Variants in ANKRD6 observed in about 807,000 individuals in gnomAD.
The protein encoded by ANKRD6 is ankyrin repeat domain-containing protein 6.
A neutral mutation model predicts 82.3 loss-of-function variants in ANKRD6; 56 were observed. That is an observed-to-expected ratio of 0.68 (90% confidence interval 0.55 to 0.85). ANKRD6 has a LOEUF of 0.85. ANKRD6 is among the 40% of genes least tolerant of loss of function. The pLI, the probability that ANKRD6 is intolerant of heterozygous loss-of-function variation, is 0.00. For missense variants in ANKRD6, 852 were observed against 907.6 expected, an observed-to-expected ratio of 0.94 and a Z score of 0.79; for synonymous variants, 347 against 352.1, an observed-to-expected ratio of 0.99 and a Z score of 0.16.
chr6:89,539,754 T>TA (rs1784249920), intron 1 of ANKRD6, among the ~76,000 whole-genome samples: 1 of 151,082 alleles, frequency 6.6e-6, no homozygotes, highest in East Asian at 1.9e-4. Flanking sequence ...TTTTTTTTTT[T>TA]ACACCCATTA....
rs1331690132 is a variant in ANKRD6 at position 89,535,626 on chromosome 6, TC to T, written c.-143-31207del. 5.9e-5 allele frequency among the ~76,000 whole-genome samples: 9 copies of T among 152,366 alleles called. No homozygotes were observed. The East Asian group carries it at 1.5e-3, about 26-fold the overall frequency. On this transcript the variant is annotated intron_variant, in intron 1 of 15. Coordinates refer to ENST00000339746, the MANE Select transcript of ANKRD6 (RefSeq NM_001242809.2). The stretch of plus-strand genomic sequence containing the variant: ...ACTCCTGGCAGTAGTGACCAGGACT[TC>T]AGGGCTTTGCTCCATTGACCTTATG...
intron 1 of ANKRD6, among the ~76,000 whole-genome samples, chr6:89,530,957 C>T (rs1783068710): frequency 6.6e-6 from 1 of 152,200 alleles, no homozygotes; most frequent in African/African-American, 2.4e-5. Flanking sequence ...TCAGGAGTTA[C>T]AAAGTCTGTT....
chr6:89,492,297 T>C (rs1294866200), intron 1 of ANKRD6, among the ~76,000 whole-genome samples: 2 of 152,214 alleles, frequency 1.3e-5, no homozygotes, highest in Non-Finnish European at 2.9e-5. Flanking sequence ...GGAAAGCATG[T>C]AGCTGACCTG....
At chr6:89,513,146 C>A (rs184304303) in intron 1 of ANKRD6, among the ~76,000 whole-genome samples, 160 of 152,310 alleles carry the variant, frequency 1.1e-3, no homozygotes, top group African/African-American at 3.8e-3. Flanking sequence ...AGGCTGGTCT[C>A]AAACTCCTCA....
At chr6:89,610,214 A>G (rs745869408) in intron 5 of ANKRD6, among the ~76,000 whole-genome samples, 10 of 152,194 alleles carry the variant, frequency 6.6e-5, no homozygotes, top group Non-Finnish European at 1.3e-4. Flanking sequence ...ACCATAAGAT[A>G]TAGAATGTTT....
At chr6:89,563,234 C>G (rs754102303) in intron 1 of ANKRD6, among the ~76,000 whole-genome samples, 7 of 152,138 alleles carry the variant, frequency 4.6e-5, no homozygotes, top group Non-Finnish European at 1.0e-4. Context: ...GTGTGACCCT[C>G]TGGTATTTGT....
chr6:89,630,867 T>C lies in ANKRD6; in HGVS notation c.2047T>C (p.Tyr683His), dbSNP rs1267681484. 6 of 1,613,726 alleles carry C rather than the reference T, an allele frequency of 3.7e-6. 1 individual carries two copies. In the South Asian group the frequency reaches 6.6e-5, roughly 18 times the overall value. Residue 683 changes from tyrosine to histidine, a missense_variant, in exon 16 of 16, where the codon TAT (tyrosine) becomes CAT (histidine). Transcript: ENST00000339746. ...EAVSTQMEKW[Y>H]ERKIEEARSQ... ...TGTTTCTACCCAGATGGAAAAGTGGTATGAAAGGAAGATTGAAGAAGCACG... is the reference window on the plus strand; with the variant it reads ...TGTTTCTACCCAGATGGAAAAGTGGCATGAAAGGAAGATTGAAGAAGCACG...
intron 2 of ANKRD6, among the ~76,000 whole-genome samples, chr6:89,588,378 G>A (rs1794204657): frequency 6.6e-6 from 1 of 152,070 alleles, no homozygotes; most frequent in African/African-American, 2.4e-5. Context: ...GATAATATAG[G>A]CAGACTGACT....
chr6:89,603,248 A>G (rs1583651664), intron 4 of ANKRD6, 121 bp downstream of exon 4: 9 of 736,910 alleles, frequency 1.2e-5, no homozygotes, highest in Non-Finnish European at 1.8e-5. Context: ...CTGTCTTACC[A>G]CTTATGATTT....
At chr6:89,586,085 A>G (rs143923310) in intron 2 of ANKRD6, among the ~76,000 whole-genome samples, 3 of 152,356 alleles carry the variant, frequency 2.0e-5, no homozygotes, top group Admixed American at 6.5e-5. Context: ...AGAAACACCA[A>G]TCTCAATTAT....
Position 89,620,975 on chromosome 6 carries a change from A to G in ANKRD6, c.793-947A>G, listed in dbSNP as rs188674570. ...TCCCAGTTACTCGGGAAGCTGAGGC[A>G]GGAGAATGGCGTGAACCCGGGAGGC... On this transcript the variant is annotated intron_variant, in intron 9 of 15. Coordinates refer to ENST00000339746, the MANE Select transcript of ANKRD6 (RefSeq NM_001242809.2). Among the ~76,000 whole-genome samples, 1,040 of 152,282 alleles carry G rather than the reference A, an allele frequency of 6.8e-3. 18 individuals are homozygous for G. The highest frequency in any genetic ancestry group is 0.024 in the African/African-American group (985 of 41,554).
intron 1 of ANKRD6, among the ~76,000 whole-genome samples, chr6:89,518,402 CAA>C (rs1217212093): frequency 1.8e-5 from 2 of 109,210 alleles, no homozygotes; most frequent in Admixed American, 9.9e-5. Context: ...GACTCCGTCT[CAA>C]AAAAAAAAAA....
At chr6:89,552,474 G>A (rs139088632) in intron 1 of ANKRD6, among the ~76,000 whole-genome samples, 135 of 152,318 alleles carry the variant, frequency 8.9e-4, no homozygotes, top group African/African-American at 3.1e-3. Context: ...GTCATGCTGC[G>A]TGCTGAGTAA....
chr6:89,489,996 T>C (rs1284041213), intron 1 of ANKRD6, among the ~76,000 whole-genome samples: 1 of 152,224 alleles, frequency 6.6e-6, no homozygotes, highest in Non-Finnish European at 1.5e-5. Context: ...GTGTTTTGTT[T>C]AACAAATTTA....
intron 1 of ANKRD6, among the ~76,000 whole-genome samples, chr6:89,482,738 C>T (rs1260639508): frequency 6.6e-6 from 1 of 152,188 alleles, no homozygotes; most frequent in Non-Finnish European, 1.5e-5. Flanking sequence ...TAAATCTACT[C>T]TTTGTATCCT....
chr6:89,511,434 G>A (rs1239941729), intron 1 of ANKRD6, among the ~76,000 whole-genome samples: 3 of 152,170 alleles, frequency 2.0e-5, no homozygotes, highest in Non-Finnish European at 4.4e-5. Context: ...TACTCATCTT[G>A]CATTATTTAA....
chr6:89,474,884 T>C (rs1775868178), intron 1 of ANKRD6, among the ~76,000 whole-genome samples: 1 of 152,218 alleles, frequency 6.6e-6, no homozygotes, highest in African/African-American at 2.4e-5. Context: ...TCTCATTTTC[T>C]AGTGTAGTAG....
At chr6:89,506,251 C>T (rs900890086) in intron 1 of ANKRD6, among the ~76,000 whole-genome samples, 6 of 151,934 alleles carry the variant, frequency 3.9e-5, no homozygotes, top group African/African-American at 7.3e-5. Flanking sequence ...TTAATTAACC[C>T]GATTGTGGTA....
intron 1 of ANKRD6, among the ~76,000 whole-genome samples, chr6:89,511,969 A>G (rs921514667): frequency 5.9e-5 from 9 of 152,068 alleles, no homozygotes; most frequent in African/African-American, 2.2e-4. Context: ...TGTAGAGACA[A>G]GGTCTCACTC....
Sources: gnomAD v4.1 joint callset for allele counts (sites outside exome capture counted in the v4.1 genomes callset) on GRCh38, gnomAD v4.1.1 for gene constraint, MANE v1.5 for transcripts, NCBI Gene and HGNC (gene_info 2026-07-23, HGNC 2026-07-21) for gene names.